WWOX: variants seen among roughly 807,000 people sequenced by gnomAD.
The protein encoded by WWOX is WW domain-containing oxidoreductase.
A neutral mutation model predicts 46.2 loss-of-function variants in WWOX; 69 were observed. That is an observed-to-expected ratio of 1.49 (90% confidence interval 1.23 to 1.82). The LOEUF (loss-of-function observed/expected upper bound fraction) is 1.82, where lower values mean the gene tolerates loss of function less well. Among genes scored for constraint, WWOX ranks in the 40% most tolerant of loss-of-function variants. The probability of loss-of-function intolerance (pLI) is 0.00; values close to 1 mark genes in which losing one functional copy is unlikely to be tolerated. For synonymous variants in WWOX, 359 were observed against 202.6 expected, an observed-to-expected ratio of 1.77 and a Z score of -6.56; for missense variants, 919 against 542.6, an observed-to-expected ratio of 1.69 and a Z score of -6.89.
chr16:79,007,036 C>T (rs1161106978), intron 8 of WWOX, among the ~76,000 whole-genome samples: 2 of 152,080 alleles, frequency 1.3e-5, no homozygotes, highest in Admixed American at 1.3e-4. Flanking sequence ...ATGGGGGTAT[C>T]TCTAGGGGAC....
chr16:78,654,665 A>T (rs950305648), intron 8 of WWOX, among the ~76,000 whole-genome samples: 10 of 150,484 alleles, frequency 6.6e-5, no homozygotes, highest in African/African-American at 2.5e-4. Flanking sequence ...CTCTGTGTGT[A>T]TGTGTGTGTG....
At chr16:78,855,708 A>T (rs1022762545) in intron 8 of WWOX, among the ~76,000 whole-genome samples, 6 of 152,090 alleles carry the variant, frequency 3.9e-5, no homozygotes, top group Non-Finnish European at 7.4e-5. Context: ...GTTTTTGTTT[A>T]TTGGTTGGGG....
At chr16:78,606,268 A>G (rs2045754039) in intron 8 of WWOX, among the ~76,000 whole-genome samples, 1 of 152,184 alleles carries the variant, frequency 6.6e-6, no homozygotes, top group African/African-American at 2.4e-5. Flanking sequence ...ATTTGGTGCA[A>G]TCACTTAAAA....
chr16:79,010,556 AACAG>A (rs750102135), intron 8 of WWOX, among the ~76,000 whole-genome samples: 3 of 152,192 alleles, frequency 2.0e-5, no homozygotes, highest in Non-Finnish European at 2.9e-5. Context: ...GTGGCAAAGA[AACAG>A]ACAATTCATG....
At chr16:78,425,088 C>G (rs180692241) in intron 7 of WWOX, 33 bp downstream of exon 7, 3 of 1,610,926 alleles carry the variant, frequency 1.9e-6, no homozygotes, top group East Asian at 2.2e-5. Flanking sequence ...TTCACTTATC[C>G]CCTTTCTCAT....
chr16:78,885,395 G>A (rs1045078026), intron 8 of WWOX, among the ~76,000 whole-genome samples: 22 of 152,138 alleles, frequency 1.4e-4, no homozygotes, highest in African/African-American at 5.3e-4. Flanking sequence ...GACCACAACA[G>A]TCAGATAAAT....
chr16:78,696,471 C>T (rs1174718963), intron 8 of WWOX, among the ~76,000 whole-genome samples: 1 of 151,886 alleles, frequency 6.6e-6, no homozygotes, highest in Non-Finnish European at 1.5e-5. Context: ...TTTTGAGTTT[C>T]GATTTTTTTT....
intron 8 of WWOX, among the ~76,000 whole-genome samples, chr16:79,063,869 T>A (rs774722183): frequency 6.6e-5 from 10 of 152,220 alleles, no homozygotes; most frequent in Non-Finnish European, 1.2e-4. Context: ...CTTCCTGAAA[T>A]CAATTTTAAA....
intron 5 of WWOX, among the ~76,000 whole-genome samples, chr16:78,386,350 C>T (rs776819115): frequency 6.6e-5 from 10 of 152,114 alleles, no homozygotes; most frequent in East Asian, 1.9e-4. Flanking sequence ...GATCGAGGTC[C>T]GTCAGAATCC....
intron 8 of WWOX, among the ~76,000 whole-genome samples, chr16:78,571,955 C>A (rs2044726223): frequency 6.6e-6 from 1 of 152,140 alleles, no homozygotes. Flanking sequence ...TCATAACAAG[C>A]ACTGGAAGGA....
chr16:78,531,416 G>A (rs1329551914), intron 8 of WWOX, among the ~76,000 whole-genome samples: 1 of 152,132 alleles, frequency 6.6e-6, no homozygotes, highest in Admixed American at 6.5e-5. Context: ...TGAAACAATT[G>A]GACAGTAAGG....
At chr16:79,106,525 TA>T (rs1815596052) in intron 8 of WWOX, 5 of 151,442 alleles carry the variant, frequency 3.3e-5, no homozygotes, top group Middle Eastern at 3.2e-3. Context: ...TTGGGGAAAG[TA>T]TACCTATCAG....
At chr16:78,584,883 A>G (rs1439904966) in intron 8 of WWOX, among the ~76,000 whole-genome samples, 2 of 152,208 alleles carry the variant, frequency 1.3e-5, no homozygotes, top group Admixed American at 6.5e-5. Flanking sequence ...ATCTCAAAAC[A>G]TTTGAGAGAA....
intron 8 of WWOX, among the ~76,000 whole-genome samples, chr16:78,925,981 A>T (rs1221217047): frequency 6.6e-6 from 1 of 152,210 alleles, no homozygotes; most frequent in Non-Finnish European, 1.5e-5. Flanking sequence ...GGCAGGGAGA[A>T]GGGAAGGGAT....
intron 5 of WWOX, among the ~76,000 whole-genome samples, chr16:78,376,375 G>A (rs933137815): frequency 2.0e-5 from 3 of 152,160 alleles, no homozygotes; most frequent in Non-Finnish European, 2.9e-5. Context: ...TTTTTACATG[G>A]GTAGAAAATA....
At chr16:78,300,994 A>AT in intron 5 of WWOX, among the ~76,000 whole-genome samples, 1 of 149,170 alleles carries the variant, frequency 6.7e-6, no homozygotes, top group Non-Finnish European at 1.5e-5. Flanking sequence ...CCATCTACCC[A>AT]CCCATCCATC....
At chr16:78,801,141 C>T (rs1302017833) in intron 8 of WWOX, among the ~76,000 whole-genome samples, 1 of 151,918 alleles carries the variant, frequency 6.6e-6, no homozygotes, top group African/African-American at 2.4e-5. Context: ...GCAGCCTCCA[C>T]CTCTGCCTCC....
chr16:78,377,544 A>G lies in WWOX; in HGVS notation c.517-9316A>G, dbSNP rs539272816. ...TAGAATGAAAAATTCACTATGAAAA[A>G]AAGCTCTTACTTCAATAGCAAGGCA... On this transcript the variant is annotated intron_variant, in intron 5 of 8. Transcript: ENST00000566780. 2.0e-5 allele frequency among the ~76,000 whole-genome samples: 3 copies of G among 152,328 alleles called. No individual in the cohort carries two copies. In the East Asian group the frequency reaches 5.8e-4, roughly 29 times the overall value.
intron 6 of WWOX, among the ~76,000 whole-genome samples, chr16:78,400,772 A>C (rs926682705): frequency 6.6e-6 from 1 of 151,828 alleles, no homozygotes; most frequent in African/African-American, 2.4e-5. Context: ...ATTTGTATCA[A>C]TGAATACACT....
Sources: gnomAD v4.1 joint callset for allele counts (sites outside exome capture counted in the v4.1 genomes callset) on GRCh38, gnomAD v4.1.1 for gene constraint, MANE v1.5 for transcripts, NCBI Gene and HGNC (gene_info 2026-07-23, HGNC 2026-07-21) for gene names.